Variants in RADIL observed in about 807,000 individuals in gnomAD.
RADIL encodes the protein ras-associating and dilute domain-containing protein.
RADIL carries 99 observed loss-of-function variants against 97.6 expected under a neutral mutation model. The ratio of observed to expected loss-of-function variants is 1.01; its 90% CI spans 0.86 to 1.20. RADIL has a LOEUF of 1.20. Among genes scored for constraint, RADIL ranks in the 50% most tolerant of loss-of-function variants. RADIL has a pLI of 0.00. For synonymous variants in RADIL, 803 were observed against 691.8 expected, an observed-to-expected ratio of 1.16 and a Z score of -2.52; for missense variants, 1,765 against 1,498.9, an observed-to-expected ratio of 1.18 and a Z score of -2.93.
chr7:4,803,314 C>T (rs1209713521), intron 11 of RADIL, among the ~76,000 whole-genome samples: 2 of 106,154 alleles, frequency 1.9e-5, no homozygotes, highest in South Asian at 6.4e-4. Context: ...GCCCCCTCCC[C>T]GGGCACCTCA....
intron 2 of RADIL, chr7:4,861,858 T>TCACGTCCCCCACCACCGCGACCTG: frequency 3.1e-6 from 4 of 1,291,336 alleles, no homozygotes; most frequent in Non-Finnish European, 3.0e-6. Context: ...ACCGCGACCT[T>TCACGTCCCCCACCACCGCGACCTG]CGCGGCCGCC....
intron 9 of RADIL, chr7:4,809,442 C>G (rs1240255715): frequency 2.0e-6 from 2 of 985,464 alleles, no homozygotes; most frequent in Non-Finnish European, 2.4e-6. Context: ...AACCACACAT[C>G]TGACACGCAC....
Position 4,879,283 on chromosome 7 carries a change from G to C in RADIL, c.-64-1080C>G, listed in dbSNP as rs183071260. ...ACTTCTAATGTCCGTAGCGTGCCCA[G>C]GGCCAGGAGTTCCAGATGGTTTCTC... On this transcript the variant is annotated intron_variant, in intron 1 of 14. Transcript: ENST00000399583. This position sits in a 1 kb window ranked among gnomAD's most constrained non-coding sequence, Gnocchi z 4.1. 7.0e-4 allele frequency among the ~76,000 whole-genome samples: 107 copies of C among 152,364 alleles called. No homozygotes were observed. Among genetic ancestry groups the C allele is most frequent in the African/African-American group, 2.5e-3 (103 of 41,598 alleles).
At chr7:4,812,253 C>A (rs550724743) in intron 9 of RADIL, among the ~76,000 whole-genome samples, 1 of 152,290 alleles carries the variant, frequency 6.6e-6, no homozygotes, top group Admixed American at 6.5e-5. Flanking sequence ...AATAAGTATT[C>A]TTTTTCTTAT....
At chr7:4,809,081 C>T in intron 9 of RADIL, 1 of 983,790 alleles carries the variant, frequency 1.0e-6, no homozygotes, top group Non-Finnish European at 1.2e-6. Context: ...CTCCGCGTCT[C>T]CTGTAGACGC....
chr7:4,821,468 G>C lies in RADIL; in HGVS notation c.1615+926C>G, dbSNP rs746044556. 2.0e-5 allele frequency among the ~76,000 whole-genome samples: 3 copies of C among 152,114 alleles called. No individual in the cohort carries two copies. Among genetic ancestry groups the C allele is most frequent in the Non-Finnish European group, 4.4e-5 (3 of 68,012 alleles). On this transcript the variant is annotated intron_variant, in intron 6 of 14. Transcript: ENST00000399583. This position sits in a 1 kb window ranked among gnomAD's most constrained non-coding sequence, Gnocchi z 5.2. ...GAGCCGAAATCCTACCCCGGCTTCC[G>C]GGCCCGGCCCCATGCCACCTTCCTC...
chr7:4,802,077 G>C, intron 11 of RADIL, 82 bp from the exon 12 acceptor site: 1 of 1,235,282 alleles, frequency 8.1e-7, no homozygotes, highest in South Asian at 1.6e-5. Context: ...GCCTGCAGCA[G>C]AAGGGCCGCC....
intron 2 of RADIL, among the ~76,000 whole-genome samples, chr7:4,850,314 A>C (rs1783678345): frequency 6.6e-6 from 1 of 151,972 alleles, no homozygotes; most frequent in South Asian, 2.1e-4. Context: ...TAAGCACAGA[A>C]AAAGCATGGA....
rs1348967977 is a variant in RADIL at position 4,835,198 on chromosome 7, C to G, written c.825G>C (p.Val275=). 3.1e-6 allele frequency: 5 copies of G among 1,611,930 alleles called. No individual in the cohort carries two copies. Among genetic ancestry groups the G allele is most frequent in the Admixed American group, 1.7e-5 (1 of 59,978 alleles). ...GCTTGCTGGAGGGGGTCCGCTGGCC[C>G]ACCGTGTGCCGGTCCCGGTTGAGCA... ...VYVLNRDRHT[V]GQRTPSSKPS... Residue 275 remains valine, a synonymous_variant, in exon 4 of 15, where the codon GTG becomes GTC. Coordinates refer to ENST00000399583, the MANE Select transcript of RADIL (RefSeq NM_018059.5). The surrounding 1 kb of genome is among the most constrained non-coding windows in gnomAD (Gnocchi z 5.8).
rs1257136677 is a variant in RADIL at position 4,835,469 on chromosome 7, AC to A, written c.784-231del. ...GGTTTCCCGGAGGAGCACACGAGAGACCCAGGAGACACCCAGCTTTGAGACA... is the reference window on the plus strand; with the variant it reads ...GGTTTCCCGGAGGAGCACACGAGAGACCAGGAGACACCCAGCTTTGAGACA... On this transcript the variant is annotated intron_variant, in intron 3 of 14. Coordinates refer to ENST00000399583, the MANE Select transcript of RADIL (RefSeq NM_018059.5). This position sits in a 1 kb window ranked among gnomAD's most constrained non-coding sequence, Gnocchi z 5.8. Among the ~76,000 whole-genome samples the A allele has an allele frequency of 6.6e-6, 1 of 151,988 alleles. No homozygotes were observed. The highest frequency in any genetic ancestry group is 1.5e-5 in the Non-Finnish European group (1 of 67,990).
intron 2 of RADIL, among the ~76,000 whole-genome samples, chr7:4,839,953 T>C (rs935596050): frequency 6.6e-6 from 1 of 152,200 alleles, no homozygotes; most frequent in Non-Finnish European, 1.5e-5. Context: ...TTCACCGTCT[T>C]GGACAGGCTG....
In RADIL at chr7:4,842,038, G is replaced by T; in HGVS notation, c.536-5433C>A. Among the ~76,000 whole-genome samples, 1 of 143,910 alleles carries T rather than the reference G, an allele frequency of 6.9e-6. No homozygotes were observed. The highest frequency in any genetic ancestry group is 3.2e-3 in the Middle Eastern group (1 of 308). The allele number at this position is 143,910 out of a possible 152,430, so 94.4% of individuals were successfully genotyped here. A position where few individuals can be genotyped will look rare whatever the true frequency, so the allele number is the denominator to read the frequency against. ...CCACCGCACTCCAGCCTGGGCAACA[G>T]AGCAAGACCCTGTCTCCAAAAAAAA... On this transcript the variant is annotated intron_variant, in intron 2 of 14. Coordinates refer to ENST00000399583, the MANE Select transcript of RADIL (RefSeq NM_018059.5). This position sits in a 1 kb window ranked among gnomAD's most constrained non-coding sequence, Gnocchi z 4.5.
chr7:4,805,315 G>A (rs10266363), intron 10 of RADIL: 2 of 437,448 alleles, frequency 4.6e-6, no homozygotes, highest in Non-Finnish European at 8.0e-6. Context: ...CCTTGGACCT[G>A]AGCCTGGAGT....
At position 4,863,030 on chromosome 7, in the gene RADIL, T is replaced by C. The variant is rs111416971; in HGVS notation, c.535+14575A>G. On this transcript the variant is annotated intron_variant, in intron 2 of 14. Coordinates refer to ENST00000399583, the MANE Select transcript of RADIL (RefSeq NM_018059.5). ...AAGCTTCTTGGGCACTTCCTGGGAA[T>C]ATGTTCTCCCACTTGTCTCCTGATT... Among the ~76,000 whole-genome samples the C allele has an allele frequency of 9.3e-4, 141 of 152,354 alleles. 1 individual carries two copies. The highest frequency in any genetic ancestry group is 3.3e-3 in the African/African-American group (136 of 41,592).
chr7:4,855,259 CTT>C (rs1783798658), intron 2 of RADIL, among the ~76,000 whole-genome samples: 1 of 152,146 alleles, frequency 6.6e-6, no homozygotes, highest in Non-Finnish European at 1.5e-5. Flanking sequence ...TGCTTCCTGA[CTT>C]TTCTACCACC....
intron 11 of RADIL, among the ~76,000 whole-genome samples, chr7:4,803,152 T>C (rs1300282643): frequency 3.8e-4 from 14 of 36,552 alleles, no homozygotes; most frequent in South Asian, 1.3e-3. Context: ...TCTGGCTGGG[T>C]CCCCTCCCCG....
intron 2 of RADIL, among the ~76,000 whole-genome samples, chr7:4,875,057 T>A (rs976710348): frequency 6.8e-6 from 1 of 147,232 alleles, no homozygotes; most frequent in Non-Finnish European, 1.5e-5. Flanking sequence ...CCGGGCGTGG[T>A]GGCGGGCGCC....
intron 2 of RADIL, among the ~76,000 whole-genome samples, chr7:4,869,117 A>C (rs897033543): frequency 1.3e-5 from 2 of 151,762 alleles, no homozygotes; most frequent in African/African-American, 2.4e-5. Context: ...ACAGAGCAAG[A>C]CTCCATCTCA....
Position 4,799,782 on chromosome 7 carries a change from A to G in RADIL, c.2983-13T>C, listed in dbSNP as rs1046387771. ...CCAGGTGCGTGTGCTGGGGACAAGC[A>G]GAGGCCTCAGAGCTCCGCAGGCCCG... On this transcript the variant is annotated splice_polypyrimidine_tract_variant and intron_variant, in intron 13 of 14. Transcript: ENST00000399583. 17 of 1,508,184 alleles carry G rather than the reference A, an allele frequency of 1.1e-5. No homozygotes were observed. Among genetic ancestry groups the G allele is most frequent in the Admixed American group, 4.3e-5 (2 of 46,934 alleles). 93.4% of individuals were successfully genotyped at this position (1,508,184 alleles called of 1,614,324 possible).
Sources: allele counts gnomAD v4.1 joint callset (sites outside exome capture counted in the v4.1 genomes callset), GRCh38; gene constraint gnomAD v4.1.1; non-coding constraint Gnocchi (gnomAD v3.1); transcripts MANE v1.5; gene names NCBI Gene and HGNC (gene_info 2026-07-23, HGNC 2026-07-21).